MECOM: variants seen among roughly 807,000 people sequenced by gnomAD.
MECOM encodes the protein histone-lysine N-methyltransferase MECOM.
MECOM carries 13 observed loss-of-function variants against 116.3 expected under a neutral mutation model. That is an observed-to-expected ratio of 0.11 (90% confidence interval 0.07 to 0.18). The LOEUF (loss-of-function observed/expected upper bound fraction) is 0.18, where lower values mean the gene tolerates loss of function less well. Among genes scored for constraint, MECOM ranks in the 10% least tolerant of loss-of-function variants. MECOM has a pLI of 1.00. For synonymous variants in MECOM, 528 were observed against 535.2 expected (o/e 0.99, Z 0.19); for missense variants, 1,299 against 1,509.0 (o/e 0.86, Z 2.31).
At chr3:169,222,594 G>A (rs1271426626) in intron 2 of MECOM, among the ~76,000 whole-genome samples, 2 of 152,196 alleles carry the variant, frequency 1.3e-5, no homozygotes, top group Non-Finnish European at 2.9e-5. Flanking sequence ...ACAGGGGTCA[G>A]TGTGACATCA....
chr3:169,096,812 A>G (rs1405217227), intron 12 of MECOM, among the ~76,000 whole-genome samples: 3 of 152,174 alleles, frequency 2.0e-5, no homozygotes, highest in Non-Finnish European at 4.4e-5. Context: ...TTACTTTGGC[A>G]TAGTATCACT....
At chr3:169,253,716 A>C (rs1411563378) in intron 2 of MECOM, among the ~76,000 whole-genome samples, 1 of 152,122 alleles carries the variant, frequency 6.6e-6, no homozygotes, top group African/African-American at 2.4e-5. Flanking sequence ...AAACAATGAT[A>C]ATTTTTATAA....
intron 2 of MECOM, among the ~76,000 whole-genome samples, chr3:169,227,603 C>T (rs560350427): frequency 1.0e-3 from 155 of 152,280 alleles, no homozygotes; most frequent in Non-Finnish European, 1.9e-3. Flanking sequence ...CAAAGTAGCA[C>T]ATTTGAGCTA....
intron 1 of MECOM, among the ~76,000 whole-genome samples, chr3:169,644,225 T>A (rs1773857469): frequency 6.8e-6 from 1 of 147,014 alleles, no homozygotes; most frequent in South Asian, 2.2e-4. Context: ...CGCATTTTAT[T>A]TTATTTATTT....
At chr3:169,160,395 T>A (rs1742669216) in intron 2 of MECOM, among the ~76,000 whole-genome samples, 1 of 151,850 alleles carries the variant, frequency 6.6e-6, no homozygotes, top group South Asian at 2.1e-4. Context: ...AAATTATGTT[T>A]AAACTACATT....
At chr3:169,361,042 G>A (rs1384984980) in intron 2 of MECOM, among the ~76,000 whole-genome samples, 1 of 151,748 alleles carries the variant, frequency 6.6e-6, no homozygotes, top group Admixed American at 6.6e-5. Context: ...TTAAGGGGTA[G>A]TAAAAAAGTA....
In MECOM at chr3:169,309,723, G is replaced by A. The variant is rs72622530; in HGVS notation, c.375+71464C>T. On this transcript the variant is annotated intron_variant, in intron 2 of 16. Transcript: ENST00000651503. The stretch of plus-strand genomic sequence containing the variant: ...GGGGTAATTCTTGTTGAAGCATCAC[G>A]GTGTAAGAGATAAAGCACTAACTGG... 0.011 allele frequency among the ~76,000 whole-genome samples: 1,650 copies of A among 152,172 alleles called. 76 individuals carry two copies. The East Asian group carries it at 0.15, about 14-fold the overall frequency.
chr3:169,415,838 A>G (rs894302240), intron 1 of MECOM, among the ~76,000 whole-genome samples: 1 of 152,214 alleles, frequency 6.6e-6, no homozygotes, highest in African/African-American at 2.4e-5. Context: ...TCCTAAATAT[A>G]TATGCACCCA....
chr3:169,236,835 C>T (rs1473189722), intron 2 of MECOM, among the ~76,000 whole-genome samples: 1 of 152,198 alleles, frequency 6.6e-6, no homozygotes, highest in Admixed American at 6.5e-5. Flanking sequence ...ACTATTGAGA[C>T]ACTTCAACGT....
intron 1 of MECOM, among the ~76,000 whole-genome samples, chr3:169,610,647 G>A (rs1005619048): frequency 6.6e-6 from 1 of 152,132 alleles, no homozygotes; most frequent in African/African-American, 2.4e-5. Context: ...TATTTGCTGT[G>A]TACATGTGCA....
intron 1 of MECOM, among the ~76,000 whole-genome samples, chr3:169,572,789 G>A (rs1764060758): frequency 6.6e-6 from 1 of 152,022 alleles, no homozygotes; most frequent in Non-Finnish European, 1.5e-5. Flanking sequence ...GAGAACACAT[G>A]GACACAGGGA....
At chr3:169,313,282 A>G (rs1217539596) in intron 2 of MECOM, among the ~76,000 whole-genome samples, 2 of 151,456 alleles carry the variant, frequency 1.3e-5, no homozygotes, top group African/African-American at 4.9e-5. Flanking sequence ...GGTTGGGAAA[A>G]AAAGAGAAAG....
intron 1 of MECOM, among the ~76,000 whole-genome samples, chr3:169,610,497 A>ATGTGTG (rs1769109878): frequency 8.6e-6 from 1 of 116,860 alleles, no homozygotes; most frequent in African/African-American, 3.6e-5. Context: ...ATGTAATGTT[A>ATGTGTG]CGTGTGTGTG....
chr3:169,126,416 T>G (rs938964411), intron 5 of MECOM, among the ~76,000 whole-genome samples: 3 of 152,130 alleles, frequency 2.0e-5, no homozygotes, highest in Admixed American at 6.5e-5. Context: ...TAAATATTTT[T>G]TCCTACTCAT....
intron 1 of MECOM, among the ~76,000 whole-genome samples, chr3:169,418,648 C>T (rs1739152925): frequency 6.6e-6 from 1 of 152,162 alleles, no homozygotes; most frequent in Non-Finnish European, 1.5e-5. Flanking sequence ...ACAAAAACCA[C>T]ATGATTATCT....
intron 1 of MECOM, among the ~76,000 whole-genome samples, chr3:169,505,651 C>T (rs1036115953): frequency 1.3e-5 from 2 of 152,192 alleles, no homozygotes; most frequent in African/African-American, 4.8e-5. Flanking sequence ...TAACTATAGT[C>T]ATCAGTCTGT....
At chr3:169,563,121 G>A (rs146260994) in intron 1 of MECOM, among the ~76,000 whole-genome samples, 58 of 152,068 alleles carry the variant, frequency 3.8e-4, no homozygotes, top group Middle Eastern at 3.4e-3. Context: ...CTTTGAAAGG[G>A]GTCACATTCT....
At chr3:169,511,701 G>A (rs149108408) in intron 1 of MECOM, among the ~76,000 whole-genome samples, 4,165 of 151,944 alleles carry the variant, frequency 0.027, 176 homozygotes, top group African/African-American at 0.095. Flanking sequence ...CCCAGGAGGC[G>A]GAGGTTGTAG....
chr3:169,229,842 T>G (rs1753165607), intron 2 of MECOM, among the ~76,000 whole-genome samples: 1 of 152,146 alleles, frequency 6.6e-6, no homozygotes, highest in African/African-American at 2.4e-5. Context: ...TCTCTATTCT[T>G]TCAGCTACAA....
Sources: gnomAD v4.1 joint callset for allele counts (sites outside exome capture counted in the v4.1 genomes callset) on GRCh38, gnomAD v4.1.1 for gene constraint, MANE v1.5 for transcripts, NCBI Gene and HGNC (gene_info 2026-07-23, HGNC 2026-07-21) for gene names.